CACNA1S: variants seen among roughly 807,000 people sequenced by gnomAD.
CACNA1S encodes the protein calcium voltage-gated channel subunit alpha1 S, also known as voltage-dependent L-type calcium channel subunit alpha-1S.
In CACNA1S, 126 loss-of-function variants were observed where a neutral mutation model predicts 207.4. That is an observed-to-expected ratio of 0.61 (90% CI 0.53 to 0.70). The LOEUF is 0.70. Ranked by LOEUF, CACNA1S falls within the 30% of genes least tolerant of loss-of-function variation. CACNA1S has a pLI of 0.00. For missense variants in CACNA1S, 2,349 were observed against 2,422.8 expected (o/e 0.97, Z 0.64); for synonymous variants, 960 against 932.7 (o/e 1.03, Z -0.53).
At position 201,039,594 on chromosome 1, in the gene CACNA1S, T is replaced by C. The variant is rs891784675; in HGVS notation, c.*237A>G. ...CCAGACAGGCACTGACCAGGCCTTT[T>C]TGAATGACATTAGAAGCTCCATCCA... is the stretch of plus-strand genomic sequence containing the variant. On this transcript the variant is annotated 3_prime_UTR_variant, in exon 44 of 44. Coordinates refer to ENST00000362061, the MANE Select transcript of CACNA1S (RefSeq NM_000069.3). The C allele has an allele frequency of 3.3e-6, 2 of 601,298 alleles. No homozygotes were observed. The highest frequency in any genetic ancestry group is 3.7e-5 in the African/African-American group (2 of 53,870). The allele number at this position is 601,298 out of a possible 1,614,324, so 37.2% of individuals were successfully genotyped here.
chr1:201,046,413 T>G (rs1660470086), intron 38 of CACNA1S, among the ~76,000 whole-genome samples: 1 of 152,140 alleles, frequency 6.6e-6, no homozygotes, highest in South Asian at 2.1e-4. Flanking sequence ...ACTCCTGACC[T>G]CAAGTGATCC....
intron 15 of CACNA1S, 84 bp from the exon 16 acceptor site, chr1:201,072,908 G>T: frequency 1.0e-6 from 1 of 1,000,186 alleles, no homozygotes; most frequent in Non-Finnish European, 1.6e-6. Flanking sequence ...GAGCCTGTTA[G>T]CGTTCAGCTC....
At chr1:201,060,543 G>A (rs537992178) in intron 26 of CACNA1S, 115 bp downstream of exon 26, 3 of 1,146,588 alleles carry the variant, frequency 2.6e-6, no homozygotes, top group Non-Finnish European at 3.9e-6. Context: ...TCAGCACACA[G>A]TGCACAAGAA....
Position 201,075,518 on chromosome 1 carries a change from A to T in CACNA1S, c.1925T>A (p.Ile642Asn). 3 of 1,613,194 alleles carry T rather than the reference A, an allele frequency of 1.9e-6. No homozygotes were observed. The highest frequency in any genetic ancestry group is 2.5e-6 in the Non-Finnish European group (3 of 1,179,828). The change falls in exon 13 of 44, where the codon ATC (isoleucine) becomes AAC (asparagine). Residue 642 changes from isoleucine to asparagine, a missense_variant. Physicochemically the swap from Ile to Asn is moderately radical, Grantham distance 149. Coordinates refer to ENST00000362061, the MANE Select transcript of CACNA1S (RefSeq NM_000069.3). Reference sequence around the variant, plus strand: ...ACAGTTGCCACAGACGAAAAGGATGATGAAGTAAATGCACACAAGCATGCC... The same window carrying T: ...ACAGTTGCCACAGACGAAAAGGATGTTGAAGTAAATGCACACAAGCATGCC... ...YPGMLVCIYF[I>N]ILFVCGNYIL... is the part of the protein sequence containing the mutation.
chr1:201,066,157 G>C lies in CACNA1S; in HGVS notation c.2745+72C>G. The C allele has an allele frequency of 6.9e-7, 1 of 1,449,714 alleles. No homozygotes were observed. Among genetic ancestry groups the C allele is most frequent in the Non-Finnish European group, 9.7e-7 (1 of 1,031,650 alleles). 89.8% of individuals were successfully genotyped at this position (1,449,714 alleles called of 1,614,324 possible). On this transcript the variant is annotated intron_variant, in intron 21 of 43. Coordinates refer to ENST00000362061, the MANE Select transcript of CACNA1S (RefSeq NM_000069.3). This position sits in a 1 kb window ranked among gnomAD's most constrained non-coding sequence, Gnocchi z 4.3. Reference sequence around the variant, plus strand: ...GGGTCCCAGCCATGGCTGGGCTGAGGTTTCTGGAGCGAGGAGGCCCCTGTA... The same window carrying C: ...GGGTCCCAGCCATGGCTGGGCTGAGCTTTCTGGAGCGAGGAGGCCCCTGTA...
intron 38 of CACNA1S, 136 bp downstream of exon 38, chr1:201,046,978 AT>A (rs1660490946): frequency 1.6e-6 from 2 of 1,228,986 alleles, no homozygotes; most frequent in South Asian, 2.5e-5. Flanking sequence ...CTGTCTTGAC[AT>A]TTTTTCACTC....
intron 3 of CACNA1S, among the ~76,000 whole-genome samples, chr1:201,092,820 G>C (rs974944738): frequency 6.6e-6 from 1 of 152,226 alleles, no homozygotes; most frequent in Non-Finnish European, 1.5e-5. Flanking sequence ...GCCAAAAGTA[G>C]CACTGGATGG....
At chr1:201,074,307 G>C (rs1469368789) in intron 14 of CACNA1S, among the ~76,000 whole-genome samples, 199 bp downstream of exon 14, 1 of 152,224 alleles carries the variant, frequency 6.6e-6, no homozygotes, top group African/African-American at 2.4e-5. Context: ...TGTCCAGAAG[G>C]CCAACTTGTC....
chr1:201,070,833 A>T (rs1661417731), intron 16 of CACNA1S, among the ~76,000 whole-genome samples: 1 of 152,166 alleles, frequency 6.6e-6, no homozygotes, highest in Non-Finnish European at 1.5e-5. Flanking sequence ...CCTTAGCGTC[A>T]GTTTCCAATT....
chr1:201,083,407 C>T, intron 9 of CACNA1S, 85 bp from the exon 10 acceptor site: 4 of 1,426,280 alleles, frequency 2.8e-6, no homozygotes, highest in Non-Finnish European at 4.0e-6. Flanking sequence ...AAACTCCAGG[C>T]ATGCGTAGCC....
At chr1:201,075,647 C>T (rs1215726716) in intron 12 of CACNA1S, 32 bp from the exon 13 acceptor site, 2 of 1,612,272 alleles carry the variant, frequency 1.2e-6, no homozygotes, top group South Asian at 1.1e-5. Flanking sequence ...GGCTCGGGAA[C>T]ACAGAGGGGC....
At chr1:201,086,561 T>C (rs773263157) in intron 7 of CACNA1S, among the ~76,000 whole-genome samples, 3 of 152,216 alleles carry the variant, frequency 2.0e-5, no homozygotes, top group Non-Finnish European at 4.4e-5. Flanking sequence ...CCGTAGGCGA[T>C]TGTATCTGTG....
At chr1:201,051,308 G>A (rs1457787681) in intron 32 of CACNA1S, among the ~76,000 whole-genome samples, 165 bp from the exon 33 acceptor site, 1 of 152,182 alleles carries the variant, frequency 6.6e-6, no homozygotes, top group African/African-American at 2.4e-5. Context: ...AGTGTGAGCT[G>A]GGCCTCAGTT....
At chr1:201,043,139 A>T in intron 40 of CACNA1S, 142 bp downstream of exon 40, 1 of 1,092,448 alleles carries the variant, frequency 9.2e-7, no homozygotes, top group Non-Finnish European at 1.4e-6. Flanking sequence ...CTCTTACATT[A>T]AGGTTCAGGA....
chr1:201,060,616 G>T, intron 26 of CACNA1S, 42 bp downstream of exon 26: 3 of 1,593,984 alleles, frequency 1.9e-6, no homozygotes, highest in Non-Finnish European at 2.6e-6. Context: ...CAAGGCCCAG[G>T]TCCCAGTCTG....
intron 28 of CACNA1S, among the ~76,000 whole-genome samples, chr1:201,055,049 C>G (rs1309750663): frequency 6.6e-6 from 1 of 152,232 alleles, no homozygotes; most frequent in Non-Finnish European, 1.5e-5. Flanking sequence ...GAAATCCCCA[C>G]AGCAGATGTT....
intron 36 of CACNA1S, among the ~76,000 whole-genome samples, chr1:201,048,301 G>A (rs2102554507): frequency 6.6e-6 from 1 of 152,320 alleles, no homozygotes; most frequent in African/African-American, 2.4e-5. Flanking sequence ...AAACTGCAGG[G>A]CACCCCTGAC....
intron 28 of CACNA1S, among the ~76,000 whole-genome samples, chr1:201,057,688 G>A (rs1247862420): frequency 3.9e-5 from 6 of 152,146 alleles, no homozygotes; most frequent in Admixed American, 1.3e-4. Context: ...AGGGCTCAGC[G>A]CGGTGGCTCA....
intron 39 of CACNA1S, among the ~76,000 whole-genome samples, chr1:201,044,059 C>G (rs760627504): frequency 8.6e-5 from 13 of 151,892 alleles, no homozygotes; most frequent in East Asian, 1.9e-4. Flanking sequence ...GGAGATGGGT[C>G]GTTGCCTAGG....
Sources: gnomAD v4.1 joint callset for allele counts (sites outside exome capture counted in the v4.1 genomes callset) on GRCh38, gnomAD v4.1.1 for gene constraint, Gnocchi (gnomAD v3.1) non-coding constraint, MANE v1.5 for transcripts, NCBI Gene and HGNC (gene_info 2026-07-23, HGNC 2026-07-21) for gene names.